The following DEF8 variants were observed in gnomAD, a reference collection of about 807,000 sequenced individuals.
DEF8 encodes the protein DEF-8.
DEF8 carries 38 observed loss-of-function variants against 59.1 expected under a neutral mutation model. The ratio of observed to expected loss-of-function variants is 0.64; its 90% CI spans 0.50 to 0.84. The LOEUF is 0.84. DEF8 is among the 40% of genes least tolerant of loss of function. The pLI is 0.00. For synonymous variants in DEF8, 265 were observed against 250.1 expected, an observed-to-expected ratio of 1.06 and a Z score of -0.56; for missense variants, 557 against 615.2, an observed-to-expected ratio of 0.91 and a Z score of 1.00.
chr16:89,958,494 C>T (rs1036617852), intron 5 of DEF8: 9 of 166,456 alleles, frequency 5.4e-5, no homozygotes, highest in African/African-American at 2.2e-4. Flanking sequence ...ATTCAGGTAT[C>T]CCTGGGAATG....
At chr16:89,951,323 C>G (rs1435066468) in intron 2 of DEF8, among the ~76,000 whole-genome samples, 6 of 151,838 alleles carry the variant, frequency 4.0e-5, no homozygotes, top group African/African-American at 1.5e-4. Context: ...GTGGCTCAAT[C>G]TCGGCTCACC....
Position 89,961,608 on chromosome 16 carries a change from G to A in DEF8, c.680-129G>A, listed in dbSNP as rs555874001. The A allele has an allele frequency of 7.1e-4, 847 of 1,193,900 alleles. 1 individual carries two copies. Among genetic ancestry groups the A allele is most frequent in the Non-Finnish European group, 9.1e-4 (764 of 838,276 alleles). 74.0% of individuals were successfully genotyped at this position (1,193,900 alleles called of 1,614,324 possible). ...ACGCTGGGACCACCTGAGGTCTTCC[G>A]GCTGAGGATAGGACATGTTCCCATG... is the stretch of plus-strand genomic sequence containing the variant. On this transcript the variant is annotated intron_variant, in intron 7 of 12. Coordinates refer to ENST00000563594, the MANE Select transcript of DEF8 (RefSeq NM_001242818.2).
chr16:89,959,414 C>T (rs780332218), intron 6 of DEF8: 27 of 1,261,982 alleles, frequency 2.1e-5, no homozygotes, highest in African/African-American at 3.0e-5. Context: ...GGACCTAGCA[C>T]GTGTTAGGGT....
In DEF8 at chr16:89,966,068, C is replaced by A; in HGVS notation, c.*105C>A. 1 of 804,960 alleles carries A rather than the reference C, an allele frequency of 1.2e-6. No individual in the cohort carries two copies. The highest frequency in any genetic ancestry group is 2.0e-6 in the Non-Finnish European group (1 of 508,528). 49.9% of individuals were successfully genotyped at this position (804,960 alleles called of 1,614,324 possible). On this transcript the variant is annotated 3_prime_UTR_variant, in exon 13 of 13. Transcript: ENST00000563594. ...GAGACCCCTGGGGTGCGGCCCTGGC[C>A]CCCTCCACCCCTGCTGGGCCAGAGC... is the stretch of plus-strand genomic sequence containing the variant.
rs755220527 is a variant in DEF8 at position 89,965,862 on chromosome 16, G to A, written c.1255G>A (p.Asp419Asn). The A allele has an allele frequency of 1.6e-5, 25 of 1,611,776 alleles. No individual in the cohort carries two copies. The highest frequency in any genetic ancestry group is 1.7e-6 in the Non-Finnish European group (2 of 1,178,468). The change falls in exon 13 of 13, where the codon GAC becomes AAC. Residue 419 changes from aspartate to asparagine, a missense_variant and splice_region_variant. Coordinates refer to ENST00000563594, the MANE Select transcript of DEF8 (RefSeq NM_001242818.2). ...GCCCCGACCTCTTTCTGCCCCCAGG[G>A]ACTGCTACTACGACAACTCCACCAC... The part of the protein sequence containing the change: ...CADCSAVFHR[D>N]CYYDNSTTCP...
Position 89,955,148 on chromosome 16 carries a change from CCTGTCCCCGT to C in DEF8, c.125-18_125-9del. The C allele has an allele frequency of 6.3e-7, 1 of 1,598,976 alleles. No individual in the cohort carries two copies. Among genetic ancestry groups the C allele is most frequent in the Non-Finnish European group, 8.6e-7 (1 of 1,168,194 alleles). ...AGGAGGTAGCAGCTGACGCTCCACA[CCTGTCCCCGT>C]CTTCCTCCAGAGGCCCTGCCTGAGC... On this transcript the variant is annotated splice_polypyrimidine_tract_variant and intron_variant, in intron 3 of 12. Transcript: ENST00000563594.
At position 89,959,139 on chromosome 16, in the gene DEF8, C is replaced by A. The variant is rs766022911; in HGVS notation, c.498C>A (p.Thr166=). The A allele has an allele frequency of 5.0e-6, 8 of 1,613,788 alleles. No homozygotes were observed. Among genetic ancestry groups the A allele is most frequent in the Non-Finnish European group, 6.8e-6 (8 of 1,179,998 alleles). ...CNTIIWGLIQ[T]WYTCTGCYYR... ...CCATCATCTGGGGGCTCATTCAGACCTGGTACACCTGCACAGGTGGGCCGA... is the reference window on the plus strand; with the variant it reads ...CCATCATCTGGGGGCTCATTCAGACATGGTACACCTGCACAGGTGGGCCGA... The change falls in exon 6 of 13, where the codon ACC becomes ACA. Residue 166 remains threonine (T), a synonymous_variant. Transcript: ENST00000563594.
At chr16:89,964,858 G>A (rs538124455) in intron 12 of DEF8, among the ~76,000 whole-genome samples, 6 of 152,304 alleles carry the variant, frequency 3.9e-5, no homozygotes, top group Admixed American at 2.0e-4. Flanking sequence ...CTCCAGCTTG[G>A]TCTCTGATGT....
At chr16:89,959,798 G>C (rs1440727516) in intron 6 of DEF8, among the ~76,000 whole-genome samples, 1 of 152,244 alleles carries the variant, frequency 6.6e-6, no homozygotes, top group African/African-American at 2.4e-5. Context: ...CGCCCAGCCG[G>C]CGTCACGTGA....
In DEF8 at chr16:89,963,375, G is replaced by A. The variant is rs1259562969; in HGVS notation, c.934G>A (p.Asp312Asn). 3.1e-6 allele frequency: 5 copies of A among 1,613,778 alleles called. No individual in the cohort carries two copies. In the South Asian group the frequency reaches 5.5e-5, roughly 18 times the overall value. The change falls in exon 10 of 13, where the codon GAC becomes AAC. Residue 312 changes from aspartate (D) to asparagine (N), a missense_variant. By Grantham distance (23) the Asp-to-Asn change is conservative. Coordinates refer to ENST00000563594, the MANE Select transcript of DEF8 (RefSeq NM_001242818.2). ...GCCTTGTTTGCAGAAGCTGCGCCAG[G>A]ACATCCTGCTCATGAAGCCGTACTT... ...ELVEIRKLRQ[D>N]ILLMKPYFIT...
chr16:89,965,933 C>T lies in DEF8; in HGVS notation c.1326C>T (p.Phe442=), dbSNP rs766604990. 6 of 1,613,410 alleles carry T rather than the reference C, an allele frequency of 3.7e-6. No individual in the cohort carries two copies. The Admixed American group carries it at 6.7e-5, about 18-fold the overall frequency. Residue 442 remains phenylalanine (F), a synonymous_variant, in exon 13 of 13, where the codon TTC becomes TTT. Transcript: ENST00000563594. ...TCAGCCTGAGGAAGCAGTCGCTCTT[C>T]CAGGAGCCAGGTCCCGATGTGGAGG... ...ARLSLRKQSL[F]QEPGPDVEA is the part of the protein sequence containing the mutation.
At chr16:89,949,539 C>T (rs774125578) in intron 2 of DEF8, 26 bp downstream of exon 2, 8 of 1,613,262 alleles carry the variant, frequency 5.0e-6, no homozygotes, top group South Asian at 2.2e-5. Context: ...ACGCTGTTGA[C>T]TCCGCACACC....
Position 89,954,047 on chromosome 16 carries a change from T to G in DEF8, c.-10-196T>G. On this transcript the variant is annotated intron_variant, in intron 2 of 12. Coordinates refer to ENST00000563594, the MANE Select transcript of DEF8 (RefSeq NM_001242818.2). The surrounding 1 kb of genome is among the most constrained non-coding windows in gnomAD (Gnocchi z 4.3). Reference sequence around the variant, plus strand: ...GCTCTTTCCAAGGGGACGCCACCAGTGGGGGCCTGGGCAGGAGGCAGCTGA... The same window carrying G: ...GCTCTTTCCAAGGGGACGCCACCAGGGGGGGCCTGGGCAGGAGGCAGCTGA... 1.7e-6 allele frequency: 1 copy of G among 595,382 alleles called. No homozygotes were observed. Among genetic ancestry groups the G allele is most frequent in the Non-Finnish European group, 2.9e-6 (1 of 346,076 alleles). 36.9% of individuals were successfully genotyped at this position (595,382 alleles called of 1,614,324 possible).
Position 89,965,955 on chromosome 16 carries a change from G to C in DEF8, c.1348G>C (p.Glu450Gln). 6.2e-7 allele frequency: 1 copy of C among 1,612,374 alleles called. No individual in the cohort carries two copies. The highest frequency in any genetic ancestry group is 8.5e-7 in the Non-Finnish European group (1 of 1,179,098). Reference sequence around the variant, plus strand: ...CTTCCAGGAGCCAGGTCCCGATGTGGAGGCCTAGCGCCGAGGAACAGTGCT... The same window carrying C: ...CTTCCAGGAGCCAGGTCCCGATGTGCAGGCCTAGCGCCGAGGAACAGTGCT... ...SLFQEPGPDVEA is the reference protein window; with the variant it reads ...SLFQEPGPDVQA Residue 450 changes from glutamate to glutamine, a missense_variant, in exon 13 of 13, where the codon GAG becomes CAG. Coordinates refer to ENST00000563594, the MANE Select transcript of DEF8 (RefSeq NM_001242818.2).
Position 89,964,226 on chromosome 16 carries a change from C to A in DEF8, c.1059C>A (p.Leu353=), listed in dbSNP as rs756836855. 1.9e-6 allele frequency: 3 copies of A among 1,613,798 alleles called. No homozygotes were observed. The highest frequency in any genetic ancestry group is 1.1e-5 in the South Asian group (1 of 91,074). Reference sequence around the variant, plus strand: ...ACGAGATGTACTCTGTCCAGGACCTCCTGGACGTGCATGCCGGCCGCCTGG... The same window carrying A: ...ACGAGATGTACTCTGTCCAGGACCTACTGGACGTGCATGCCGGCCGCCTGG... ...ENDEMYSVQD[L]LDVHAGRLGC... The change falls in exon 11 of 13, where the codon CTC becomes CTA. Residue 353 remains leucine (L), a synonymous_variant. Coordinates refer to ENST00000563594, the MANE Select transcript of DEF8 (RefSeq NM_001242818.2).
chr16:89,949,536 T>A, intron 2 of DEF8, 23 bp downstream of exon 2: 1 of 1,613,048 alleles, frequency 6.2e-7, no homozygotes, highest in Non-Finnish European at 8.5e-7. Context: ...AGGACGCTGT[T>A]GACTCCGCAC....
rs2032706234 is a variant in DEF8, at chr16:89,954,176, G to C, written c.-10-67G>C. The C allele has an allele frequency of 6.4e-7, 1 of 1,568,084 alleles. No homozygotes were observed. Among genetic ancestry groups the C allele is most frequent in the African/African-American group, 1.4e-5 (1 of 74,014 alleles). On this transcript the variant is annotated intron_variant, in intron 2 of 12. Coordinates refer to ENST00000563594, the MANE Select transcript of DEF8 (RefSeq NM_001242818.2). The surrounding 1 kb of genome is among the most constrained non-coding windows in gnomAD (Gnocchi z 4.3). ...CACCCCAGACACCCCAGTGTGGTTG[G>C]GGAAAGGGGGTGGTCCGTGGTGAGC...
rs763040886 is a variant in DEF8 at position 89,961,831 on chromosome 16, C to T, written c.774C>T (p.Arg258=). ...HWNDLAVIPA[R]VVHNWDFEPR... ...ACGACCTGGCTGTGATCCCTGCACGCGTTGTACACAACTGGGACTTTGAGC... is the reference window on the plus strand; with the variant it reads ...ACGACCTGGCTGTGATCCCTGCACGTGTTGTACACAACTGGGACTTTGAGC... Residue 258 remains arginine, a synonymous_variant, in exon 8 of 13, where the codon CGC becomes CGT. Transcript: ENST00000563594. 21 of 1,609,820 alleles carry T rather than the reference C, an allele frequency of 1.3e-5. No homozygotes were observed. Among genetic ancestry groups the T allele is most frequent in the South Asian group, 4.4e-5 (4 of 90,526 alleles).
chr16:89,954,283 C>T lies in DEF8; in HGVS notation c.31C>T (p.Arg11Trp), dbSNP rs776085470. The change falls in exon 3 of 13, where the codon CGG becomes TGG. Residue 11 changes from arginine (R) to tryptophan (W), a missense_variant. By Grantham distance (101) the Arg-to-Trp change is moderately radical. Coordinates refer to ENST00000563594, the MANE Select transcript of DEF8 (RefSeq NM_001242818.2). The surrounding 1 kb of genome is among the most constrained non-coding windows in gnomAD (Gnocchi z 4.3). ...ATATGATGAGAAGCTGGCCCGTTTC[C>T]GGCAGGCCCACCTCAACCCCTTCAA... MEYDEKLARF[R>W]QAHLNPFNKQ... 31 of 1,613,450 alleles carry T rather than the reference C, an allele frequency of 1.9e-5. No individual in the cohort carries two copies. Among genetic ancestry groups the T allele is most frequent in the Non-Finnish European group, 2.5e-5 (29 of 1,179,968 alleles).
Sources: gnomAD v4.1 joint callset for allele counts (sites outside exome capture counted in the v4.1 genomes callset) on GRCh38, gnomAD v4.1.1 for gene constraint, Gnocchi (gnomAD v3.1) non-coding constraint, MANE v1.5 for transcripts, NCBI Gene and HGNC (gene_info 2026-07-23, HGNC 2026-07-21) for gene names.